The following ARIH1 variants were observed in gnomAD, a reference collection of about 807,000 sequenced individuals.
ARIH1 encodes ariadne RBR E3 ubiquitin protein ligase 1.
A neutral mutation model predicts 85.0 loss-of-function variants in ARIH1; 8 were observed. The ratio of observed to expected loss-of-function variants is 0.09; its 90% CI spans 0.06 to 0.17. The LOEUF (loss-of-function observed/expected upper bound fraction) is 0.17. Ranked by LOEUF, ARIH1 falls within the 10% of genes least tolerant of loss-of-function variation. The pLI is 1.00. For synonymous variants in ARIH1, 238 were observed against 253.6 expected, an observed-to-expected ratio of 0.94 and a Z score of 0.59; for missense variants, 311 against 718.1, an observed-to-expected ratio of 0.43 and a Z score of 6.48.
At chr15:72,564,871 C>T (rs977893089) in intron 7 of ARIH1, among the ~76,000 whole-genome samples, 1 of 151,988 alleles carries the variant, frequency 6.6e-6, no homozygotes, top group African/African-American at 2.4e-5. Flanking sequence ...AAAAGGATGC[C>T]AATTCCATTC....
At chr15:72,491,952 C>T (rs1193478288) in intron 1 of ARIH1, among the ~76,000 whole-genome samples, 1 of 152,274 alleles carries the variant, frequency 6.6e-6, no homozygotes, top group East Asian at 1.9e-4. Flanking sequence ...TCCTGCTGTG[C>T]TCCAGAAGAC....
intron 11 of ARIH1, 51 bp downstream of exon 11, chr15:72,572,216 A>G (rs1462588516): frequency 3.3e-6 from 4 of 1,194,044 alleles, no homozygotes; most frequent in East Asian, 2.4e-5. Flanking sequence ...CACGTTGTAT[A>G]TTCATATTCA....
At chr15:72,544,710 T>C in intron 2 of ARIH1, 110 bp from the exon 3 acceptor site, 1 of 1,013,574 alleles carries the variant, frequency 9.9e-7, no homozygotes, top group Non-Finnish European at 1.4e-6. Context: ...TGTTATCTTG[T>C]TTTATTTTAA....
At chr15:72,567,307 T>C in intron 9 of ARIH1, 130 bp downstream of exon 9, 2 of 684,206 alleles carry the variant, frequency 2.9e-6, no homozygotes, top group Non-Finnish European at 4.8e-6. Flanking sequence ...GTCTTTTTTT[T>C]TTTTTCCCAG....
chr15:72,486,694 C>CTTTTTTT (rs34770375), intron 1 of ARIH1, among the ~76,000 whole-genome samples: 18 of 92,876 alleles, frequency 1.9e-4, no homozygotes, highest in Non-Finnish European at 2.8e-4. Flanking sequence ...TTAAAAATGA[C>CTTTTTTT]TTTTTTTTTT....
At chr15:72,558,899 G>A (rs574170320) in intron 5 of ARIH1, among the ~76,000 whole-genome samples, 38 of 152,222 alleles carry the variant, frequency 2.5e-4, no homozygotes, top group African/African-American at 8.4e-4. Context: ...AAGCATTATG[G>A]GTAATACATG....
intron 12 of ARIH1, 93 bp downstream of exon 12, chr15:72,581,084 G>C: frequency 7.4e-7 from 1 of 1,356,550 alleles, no homozygotes; most frequent in Non-Finnish European, 1.0e-6. Context: ...CAGGGTTCTT[G>C]TTTGTTCAGA....
intron 11 of ARIH1, 72 bp downstream of exon 11, chr15:72,572,237 A>T (rs2064251529): frequency 5.8e-6 from 4 of 688,104 alleles, no homozygotes; most frequent in South Asian, 2.2e-5. Flanking sequence ...TTAGAGAATA[A>T]TTTTTTTTTT....
intron 1 of ARIH1, among the ~76,000 whole-genome samples, chr15:72,511,817 G>T (rs926765476): frequency 6.6e-6 from 1 of 152,096 alleles, no homozygotes. Context: ...TGACTGGGCA[G>T]CTGGCCTAGA....
At chr15:72,535,666 T>G (rs1432179989) in intron 2 of ARIH1, among the ~76,000 whole-genome samples, 1 of 152,220 alleles carries the variant, frequency 6.6e-6, no homozygotes, top group African/African-American at 2.4e-5. Context: ...ATATTTCTCT[T>G]CAGTTGGAAT....
At chr15:72,571,592 C>T (rs543859770) in intron 10 of ARIH1, among the ~76,000 whole-genome samples, 9 of 152,222 alleles carry the variant, frequency 5.9e-5, no homozygotes, top group African/African-American at 2.2e-4. Context: ...TAGCAAAGCA[C>T]ATAGCACAGC....
At chr15:72,514,926 G>T (rs2063968120) in intron 1 of ARIH1, among the ~76,000 whole-genome samples, 1 of 152,128 alleles carries the variant, frequency 6.6e-6, no homozygotes, top group African/African-American at 2.4e-5. Flanking sequence ...GGCAGAGGGT[G>T]CAGTGAGCCT....
rs2064381875 is a variant in ARIH1, at chr15:72,601,340, C to A, written c.*18048C>A. 6.6e-6 allele frequency: 1 copy of A among 152,184 alleles called. No individual in the cohort carries two copies. Among genetic ancestry groups the A allele is most frequent in the Admixed American group, 6.5e-5 (1 of 15,278 alleles). 9.4% of individuals were successfully genotyped at this position (152,184 alleles called of 1,614,324 possible). On this transcript the variant is annotated 3_prime_UTR_variant, in exon 14 of 14. Transcript: ENST00000379887. ...TTGCTCAAAATTCTCTAGTGCCTTC[C>A]CAATGCCCTTAAAATAAAATTCCTC...
Position 72,511,308 on chromosome 15 carries a change from T to C in ARIH1, c.376-6759T>C, listed in dbSNP as rs146146804. ...AAATATAGCTGATCTTTTCTTTCTTTCTTTCTTTTTTGAGATGGAGTTTTG... is the reference window on the plus strand; with the variant it reads ...AAATATAGCTGATCTTTTCTTTCTTCCTTTCTTTTTTGAGATGGAGTTTTG... On this transcript the variant is annotated intron_variant, in intron 1 of 13. Transcript: ENST00000379887. Among the ~76,000 whole-genome samples, 10 of 152,330 alleles carry C rather than the reference T, an allele frequency of 6.6e-5. No individual in the cohort carries two copies. In the East Asian group the frequency reaches 1.9e-3, roughly 29 times the overall value.
rs930565191 is a variant in ARIH1, at chr15:72,475,281, C to A, written c.375+267C>A. On this transcript the variant is annotated intron_variant, in intron 1 of 13. Transcript: ENST00000379887. ...CTTCGGTCGCCTAAGCCTTCTCTTGCGGGCAATTTCTGCCAGTCCCTGGGC... is the reference window on the plus strand; with the variant it reads ...CTTCGGTCGCCTAAGCCTTCTCTTGAGGGCAATTTCTGCCAGTCCCTGGGC... 1.4e-5 allele frequency: 8 copies of A among 584,268 alleles called. No homozygotes were observed. The Middle Eastern group carries it at 1.7e-3, about 122-fold the overall frequency. The allele number at this position is 584,268 out of a possible 1,614,324, so 36.2% of individuals were successfully genotyped here. A position where few individuals can be genotyped will look rare whatever the true frequency, so the allele number is the denominator to read the frequency against.
Position 72,593,386 on chromosome 15 carries a change from C to G in ARIH1, c.*10094C>G, listed in dbSNP as rs2140445991. 1 of 152,168 alleles carries G rather than the reference C, an allele frequency of 6.6e-6. No individual in the cohort carries two copies. Among genetic ancestry groups the G allele is most frequent in the African/African-American group, 2.4e-5 (1 of 41,536 alleles). 9.4% of individuals were successfully genotyped at this position (152,168 alleles called of 1,614,324 possible). A position where few individuals can be genotyped will look rare whatever the true frequency, so the allele number is the denominator to read the frequency against. On this transcript the variant is annotated 3_prime_UTR_variant, in exon 14 of 14. Coordinates refer to ENST00000379887, the MANE Select transcript of ARIH1 (RefSeq NM_005744.5). ...ATTTTTTTTATAAAATCCACTTTAT[C>G]AGTTTTTTATTTTATGGTTTTATGA...
chr15:72,511,170 G>A (rs935598471), intron 1 of ARIH1, among the ~76,000 whole-genome samples: 3 of 152,072 alleles, frequency 2.0e-5, no homozygotes, highest in East Asian at 1.9e-4. Flanking sequence ...GCAGTTTTCC[G>A]TGTACACGTT....
chr15:72,487,525 T>G (rs2063842279), intron 1 of ARIH1, among the ~76,000 whole-genome samples: 1 of 152,216 alleles, frequency 6.6e-6, no homozygotes, highest in Non-Finnish European at 1.5e-5. Context: ...TATCTGAAAC[T>G]TACTTGAAAC....
At chr15:72,486,852 C>T (rs915714337) in intron 1 of ARIH1, among the ~76,000 whole-genome samples, 3 of 151,610 alleles carry the variant, frequency 2.0e-5, no homozygotes, top group African/African-American at 7.3e-5. Context: ...CATCACCACA[C>T]CTGGCTAATT....
Sources: allele counts gnomAD v4.1 joint callset (sites outside exome capture counted in the v4.1 genomes callset), GRCh38; gene constraint gnomAD v4.1.1; transcripts MANE v1.5; gene names NCBI Gene and HGNC (gene_info 2026-07-23, HGNC 2026-07-21).